Variants in TDRD1 observed in about 807,000 individuals in gnomAD.
TDRD1 encodes tudor domain-containing protein 1.
Under a neutral mutation model 140.6 loss-of-function variants are expected in TDRD1, and 37 were observed. The ratio of observed to expected loss-of-function variants is 0.26; its 90% CI spans 0.20 to 0.35. The LOEUF (loss-of-function observed/expected upper bound fraction) is 0.35, where lower values mean the gene tolerates loss of function less well. Ranked by LOEUF, TDRD1 falls within the 10% of genes least tolerant of loss-of-function variation. TDRD1 has a pLI of 1.00. For synonymous variants in TDRD1, 506 were observed against 475.7 expected (o/e 1.06, Z -0.83); for missense variants, 1,243 against 1,393.0 (o/e 0.89, Z 1.71).
intron 9 of TDRD1, among the ~76,000 whole-genome samples, 168 bp from the exon 10 acceptor site, chr10:114,204,554 G>A (rs746809098): frequency 6.6e-6 from 1 of 152,090 alleles, no homozygotes; most frequent in Non-Finnish European, 1.5e-5. Flanking sequence ...TATGAATACA[G>A]TACTAACAGA....
Position 114,222,723 on chromosome 10 carries a change from A to G in TDRD1, c.3007+20A>G. On this transcript the variant is annotated intron_variant, in intron 21 of 25. Coordinates refer to ENST00000251864, the Ensembl canonical transcript of TDRD1. ...ACACAAGTAAGGTTCTTTTAGGGAAAATATTTGAGGGAAGGTATTTAGTCT... is the reference window on the plus strand; with the variant it reads ...ACACAAGTAAGGTTCTTTTAGGGAAGATATTTGAGGGAAGGTATTTAGTCT... The G allele has an allele frequency of 2.2e-6, 3 of 1,357,256 alleles. No homozygotes were observed. The highest frequency in any genetic ancestry group is 3.1e-6 in the Non-Finnish European group (3 of 953,916). 84.1% of individuals were successfully genotyped at this position (1,357,256 alleles called of 1,614,324 possible).
intron 1 of TDRD1, among the ~76,000 whole-genome samples, chr10:114,186,065 G>C (rs2033497084): frequency 6.6e-6 from 1 of 152,072 alleles, no homozygotes; most frequent in African/African-American, 2.4e-5. Flanking sequence ...ACTTGGGCTT[G>C]ATTCTGTGAT....
At chr10:114,191,690 C>T (rs1456938893) in intron 3 of TDRD1, among the ~76,000 whole-genome samples, 1 of 152,152 alleles carries the variant, frequency 6.6e-6, no homozygotes, top group Non-Finnish European at 1.5e-5. Flanking sequence ...CATTTATGTA[C>T]AGAATTTTAT....
At chr10:114,227,040 G>A (rs2036477827) in intron 22 of TDRD1, 32 bp from the exon 23 acceptor site, 1 of 1,112,588 alleles carries the variant, frequency 9.0e-7, no homozygotes, top group South Asian at 1.4e-5. Context: ...TTTTAAAAGG[G>A]ACTAAAAGAC....
chr10:114,204,366 T>G, intron 9 of TDRD1, 150 bp downstream of exon 9: 1 of 856,948 alleles, frequency 1.2e-6, no homozygotes, highest in Non-Finnish European at 1.7e-6. Context: ...CTTGACCTTA[T>G]TTAGTTAACT....
chr10:114,178,406 A>G (rs937558369), upstream of TDRD1, among the ~76,000 whole-genome samples: 2 of 152,184 alleles, frequency 1.3e-5, no homozygotes, highest in African/African-American at 2.4e-5. Flanking sequence ...CCCAGAAGCT[A>G]TATAAGATCA....
exon 16 of TDRD1, chr10:114,214,011 G>A (rs2035651422): frequency 1.9e-6 from 3 of 1,613,686 alleles, no homozygotes; most frequent in Admixed American, 3.3e-5. Context: ...TAAATCCATT[G>A]GAGTGGACAT....
At position 114,201,291 on chromosome 10, in the gene TDRD1, A is replaced by G; in HGVS notation, c.530-119A>G. The G allele has an allele frequency of 4.0e-6, 3 of 748,602 alleles. No individual in the cohort carries two copies. In the South Asian group the frequency reaches 5.1e-5, roughly 13 times the overall value. 46.4% of individuals were successfully genotyped at this position (748,602 alleles called of 1,614,324 possible). ...CAGAGTTTAAAAGTATAATCTGAAC[A>G]CCTGATCCTAAATAGCACAATTCTC... On this transcript the variant is annotated intron_variant, in intron 4 of 25. Coordinates refer to ENST00000251864, the Ensembl canonical transcript of TDRD1.
chr10:114,189,906 G>T (rs11813183), intron 2 of TDRD1, among the ~76,000 whole-genome samples: 2,014 of 152,358 alleles, frequency 0.013, 26 homozygotes, highest in African/African-American at 0.023. Context: ...GATAATCAGT[G>T]AATTCTAACG....
intron 5 of TDRD1, 114 bp downstream of exon 5, chr10:114,201,629 T>C (rs2034749757): frequency 2.6e-6 from 2 of 769,210 alleles, no homozygotes; most frequent in Non-Finnish European, 4.1e-6. Flanking sequence ...TTTCTTAAGC[T>C]CTATAACAAA....
intron 3 of TDRD1, among the ~76,000 whole-genome samples, chr10:114,194,205 T>G (rs2034181930): frequency 6.6e-6 from 1 of 152,192 alleles, no homozygotes; most frequent in South Asian, 2.1e-4. Context: ...AGTATTAGTT[T>G]CATAAAATAA....
chr10:114,207,203 C>G (rs2035179686), intron 11 of TDRD1, among the ~76,000 whole-genome samples: 1 of 152,156 alleles, frequency 6.6e-6, no homozygotes, highest in South Asian at 2.1e-4. Flanking sequence ...AGATATAATT[C>G]ATTGTCTCTT....
At chr10:114,229,101 CAA>C (rs60459811) in intron 25 of TDRD1, among the ~76,000 whole-genome samples, 10 of 149,516 alleles carry the variant, frequency 6.7e-5, no homozygotes, top group East Asian at 2.0e-4. Flanking sequence ...CAAAACAAAA[CAA>C]AAAAAAAAAC....
Position 114,206,475 on chromosome 10 carries a change from T to C in TDRD1, c.1384+145T>C, listed in dbSNP as rs546530867. On this transcript the variant is annotated intron_variant, in intron 11 of 25. Transcript: ENST00000251864. Reference sequence around the variant, plus strand: ...CAATTTAAATACGCTGTTTTATATTTAGTAGTATATCATTTCTAATCTCAA... The same window carrying C: ...CAATTTAAATACGCTGTTTTATATTCAGTAGTATATCATTTCTAATCTCAA... The C allele has an allele frequency of 5.1e-6, 3 of 587,930 alleles. No individual in the cohort carries two copies. In the East Asian group the frequency reaches 8.5e-5, roughly 17 times the overall value. The allele number at this position is 587,930 out of a possible 1,614,324, so 36.4% of individuals were successfully genotyped here.
chr10:114,200,416 C>T lies in TDRD1; in HGVS notation c.530-994C>T, dbSNP rs538714585. Among the ~76,000 whole-genome samples, 42 of 152,206 alleles carry T rather than the reference C, an allele frequency of 2.8e-4. 1 individual carries two copies. In the East Asian group the frequency reaches 5.2e-3, roughly 19 times the overall value. ...TTTTTTAGATAACCTGTTTCTTTAG[C>T]ATGAACACTGATGGGATTTTTTAAA... On this transcript the variant is annotated intron_variant, in intron 4 of 25. Transcript: ENST00000251864.
upstream of TDRD1, among the ~76,000 whole-genome samples, chr10:114,178,143 A>T (rs565111858): frequency 7.8e-4 from 118 of 152,250 alleles, no homozygotes; most frequent in African/African-American, 2.6e-3. Flanking sequence ...ACGCCCAGTC[A>T]GCACTTTCAT....
chr10:114,198,220 G>A (rs1040940057), intron 3 of TDRD1, among the ~76,000 whole-genome samples: 9 of 152,144 alleles, frequency 5.9e-5, no homozygotes, highest in African/African-American at 9.7e-5. Flanking sequence ...AGAGAGGCCC[G>A]ACTGAAGGAG....
rs145662247 is a variant in TDRD1 at position 114,189,734 on chromosome 10, G to A, written c.326-1227G>A. Among the ~76,000 whole-genome samples, 21 of 152,224 alleles carry A rather than the reference G, an allele frequency of 1.4e-4. No homozygotes were observed. In the East Asian group the frequency reaches 2.9e-3, roughly 21 times the overall value. ...AGCCTCCCAAAACCCTGGGATTACG[G>A]GCATGAACCACCGCACCAGGCCCTA... On this transcript the variant is annotated intron_variant, in intron 2 of 25. Transcript: ENST00000251864.
At chr10:114,227,152 C>T in exon 23 of TDRD1, 1 of 1,609,400 alleles carries the variant, frequency 6.2e-7, no homozygotes, top group Non-Finnish European at 8.5e-7. Context: ...GAATGTAATG[C>T]TTTCTGTGAA....
Sources: gnomAD v4.1 joint callset for allele counts (sites outside exome capture counted in the v4.1 genomes callset) on GRCh38, gnomAD v4.1.1 for gene constraint, MANE v1.5 for transcripts, NCBI Gene and HGNC (gene_info 2026-07-23, HGNC 2026-07-21) for gene names.